DNAJC24: variants seen among roughly 807,000 people sequenced by gnomAD.
DNAJC24 encodes the protein DnaJ heat shock protein family (Hsp40) member C24.
In DNAJC24, 17 loss-of-function variants were observed where a neutral mutation model predicts 18.0. The observed-to-expected ratio is 0.94, with a 90% CI of 0.65 to 1.42. The LOEUF is 1.42. DNAJC24 is among the 40% of genes most tolerant of loss of function. DNAJC24 has a pLI of 0.00. For missense variants in DNAJC24, 158 were observed against 175.6 expected (o/e 0.90, Z 0.57); for synonymous variants, 55 against 57.7 (o/e 0.95, Z 0.21).
chr11:31,413,331 T>TTC (rs1952725609), intron 2 of DNAJC24, among the ~76,000 whole-genome samples: 1 of 145,266 alleles, frequency 6.9e-6, no homozygotes, highest in East Asian at 2.0e-4. Flanking sequence ...ACTATCTTTT[T>TTC]TTTTTTTTTT....
chr11:31,401,868 A>G (rs759396600), intron 2 of DNAJC24, among the ~76,000 whole-genome samples: 1 of 152,198 alleles, frequency 6.6e-6, no homozygotes, highest in Non-Finnish European at 1.5e-5. Flanking sequence ...GGGGCTGTCT[A>G]TGTTAAATGC....
intron 2 of DNAJC24, among the ~76,000 whole-genome samples, chr11:31,383,573 G>C (rs562752341): frequency 3.0e-4 from 46 of 152,294 alleles, no homozygotes; most frequent in Non-Finnish European, 5.7e-4. Context: ...TTTGGATCTG[G>C]ACACCTATGA....
chr11:31,370,087 G>A (rs1485044075), intron 1 of DNAJC24, among the ~76,000 whole-genome samples, 175 bp downstream of exon 1: 1 of 152,120 alleles, frequency 6.6e-6, no homozygotes, highest in Non-Finnish European at 1.5e-5. Context: ...TCCTGGTAGG[G>A]TCTCTCTTCT....
chr11:31,423,871 A>G (rs1952834764), intron 3 of DNAJC24, among the ~76,000 whole-genome samples: 1 of 152,142 alleles, frequency 6.6e-6, no homozygotes, highest in Admixed American at 6.5e-5. Flanking sequence ...CTCTTTTCAT[A>G]TTTACCATGA....
chr11:31,429,036 T>G (rs1200080516), intron 4 of DNAJC24, among the ~76,000 whole-genome samples: 1 of 152,114 alleles, frequency 6.6e-6, no homozygotes, highest in Non-Finnish European at 1.5e-5. Flanking sequence ...ATATGTATCT[T>G]TTTAGACAAT....
At chr11:31,379,546 G>T (rs1191262170) in intron 2 of DNAJC24, among the ~76,000 whole-genome samples, 1 of 152,166 alleles carries the variant, frequency 6.6e-6, no homozygotes, top group Non-Finnish European at 1.5e-5. Flanking sequence ...GGCAACCCAA[G>T]ATTGGTTTGT....
intron 2 of DNAJC24, chr11:31,384,627 T>C (rs977204398): frequency 6.6e-6 from 1 of 151,980 alleles, no homozygotes; most frequent in African/African-American, 2.4e-5. Flanking sequence ...CCTTGACCCA[T>C]GTGAACTGAT....
chr11:31,399,090 G>T (rs1222849129), intron 2 of DNAJC24, among the ~76,000 whole-genome samples: 2 of 152,002 alleles, frequency 1.3e-5, no homozygotes, highest in Admixed American at 1.3e-4. Flanking sequence ...AGGTGTCTGG[G>T]TTTATATTTA....
chr11:31,424,552 A>G (rs962732455), intron 3 of DNAJC24, among the ~76,000 whole-genome samples: 5 of 152,172 alleles, frequency 3.3e-5, no homozygotes, highest in Non-Finnish European at 5.9e-5. Flanking sequence ...GAATGTGGAA[A>G]TTAACTTGTT....
chr11:31,411,440 A>G (rs964623618), intron 2 of DNAJC24, among the ~76,000 whole-genome samples: 2 of 152,222 alleles, frequency 1.3e-5, no homozygotes, highest in Non-Finnish European at 2.9e-5. Context: ...TTATTCTTTT[A>G]TAGTTCTGGA....
intron 2 of DNAJC24, among the ~76,000 whole-genome samples, chr11:31,389,132 C>G (rs1036018310): frequency 6.6e-6 from 1 of 151,592 alleles, no homozygotes; most frequent in Non-Finnish European, 1.5e-5. Context: ...AAACAGATAA[C>G]AAAATGGCAG....
intron 2 of DNAJC24, among the ~76,000 whole-genome samples, chr11:31,404,333 G>C (rs1952633276): frequency 6.6e-6 from 1 of 152,108 alleles, no homozygotes; most frequent in Non-Finnish European, 1.5e-5. Flanking sequence ...CTGGCATAAG[G>C]AACCAAACAT....
intron 2 of DNAJC24, among the ~76,000 whole-genome samples, chr11:31,410,313 C>T (rs1335670804): frequency 6.6e-6 from 1 of 152,186 alleles, no homozygotes; most frequent in Non-Finnish European, 1.5e-5. Context: ...CATGTGCACA[C>T]TGTCTGTTCA....
rs11304707 is a variant in DNAJC24 at position 31,426,361 on chromosome 11, AT to A, written c.319+16del. The A allele has an allele frequency of 0.24, 336,380 of 1,412,834 alleles. 38,913 individuals carry two copies. The highest frequency in any genetic ancestry group is 0.35 in the African/African-American group (23,613 of 66,566). The allele number at this position is 1,412,834 out of a possible 1,614,324, so 87.5% of individuals were successfully genotyped here. A position where few individuals can be genotyped will look rare whatever the true frequency, so the allele number is the denominator to read the frequency against. On this transcript the variant is annotated splice_region_variant and intron_variant, in intron 4 of 4. Transcript: ENST00000465995. ...AGAAATGTCTTGGAATGAAGGTTGGATTTTTTTTTTCTCTTGACAACATTTA... is the reference window on the plus strand; with the variant it reads ...AGAAATGTCTTGGAATGAAGGTTGGATTTTTTTTTCTCTTGACAACATTTA...
chr11:31,411,160 G>A (rs1302150323), intron 2 of DNAJC24, among the ~76,000 whole-genome samples: 1 of 152,178 alleles, frequency 6.6e-6, no homozygotes, highest in Non-Finnish European at 1.5e-5. Context: ...TTTAGAAATA[G>A]TAGGAACAAA....
At chr11:31,414,991 T>C in intron 3 of DNAJC24, 42 bp downstream of exon 3, 1 of 1,599,042 alleles carries the variant, frequency 6.3e-7, no homozygotes, top group Non-Finnish European at 8.5e-7. Flanking sequence ...TCGGCAACTC[T>C]TAGAAGCACA....
chr11:31,386,781 C>T (rs189289742), intron 2 of DNAJC24, among the ~76,000 whole-genome samples: 4 of 152,278 alleles, frequency 2.6e-5, no homozygotes, highest in Admixed American at 1.3e-4. Context: ...GGGTAGAGCA[C>T]TAAGTGGGTT....
intron 2 of DNAJC24, among the ~76,000 whole-genome samples, chr11:31,376,467 T>C (rs890501505): frequency 1.3e-5 from 2 of 152,172 alleles, no homozygotes; most frequent in African/African-American, 4.8e-5. Flanking sequence ...AAGTATAGAG[T>C]AGTAAGTGTA....
intron 2 of DNAJC24, among the ~76,000 whole-genome samples, chr11:31,383,082 G>T (rs1952393245): frequency 1.3e-5 from 2 of 152,092 alleles, no homozygotes; most frequent in African/African-American, 4.8e-5. Flanking sequence ...AGAAGCTGTG[G>T]ATTTGGAGTG....
Sources: allele counts gnomAD v4.1 joint callset (sites outside exome capture counted in the v4.1 genomes callset), GRCh38; gene constraint gnomAD v4.1.1; transcripts MANE v1.5; gene names NCBI Gene and HGNC (gene_info 2026-07-23, HGNC 2026-07-21).